ANAPC1: variants seen among roughly 807,000 people sequenced by gnomAD.
ANAPC1 encodes the protein anaphase-promoting complex subunit 1.
ANAPC1 carries 36 observed loss-of-function variants against 208.0 expected under a neutral mutation model. That is an observed-to-expected ratio of 0.17 (90% confidence interval 0.13 to 0.23). The LOEUF is 0.23. Among genes scored for constraint, ANAPC1 ranks in the 10% least tolerant of loss-of-function variants. ANAPC1 has a pLI of 1.00. For synonymous variants in ANAPC1, 378 were observed against 695.2 expected (o/e 0.54, Z 7.18); for missense variants, 942 against 2,011.6 (o/e 0.47, Z 10.17).
At chr2:111,827,534 C>A (rs1679901419) in intron 21 of ANAPC1, among the ~76,000 whole-genome samples, 1 of 152,054 alleles carries the variant, frequency 6.6e-6, no homozygotes, top group Admixed American at 6.6e-5. Flanking sequence ...AAAAATTTAT[C>A]ACTTGCGGTC....
chr2:111,883,193 C>CA (rs57137394), intron 1 of ANAPC1, among the ~76,000 whole-genome samples: 4,663 of 138,102 alleles, frequency 0.034, 282 homozygotes, highest in African/African-American at 0.12. Flanking sequence ...GAAAACCCCA[C>CA]AAAAAAAAAA....
intron 13 of ANAPC1, among the ~76,000 whole-genome samples, chr2:111,855,972 A>G (rs970577771): frequency 3.9e-5 from 6 of 152,340 alleles, no homozygotes; most frequent in African/African-American, 1.4e-4. Flanking sequence ...GCGGTGGCTC[A>G]CGCCTGTAAT....
chr2:111,789,227 A>G (rs1677744722), intron 38 of ANAPC1, among the ~76,000 whole-genome samples: 1 of 151,432 alleles, frequency 6.6e-6, no homozygotes, highest in Admixed American at 6.6e-5. Context: ...CTTTTAAGAT[A>G]AAGTTTCATA....
chr2:111,808,243 T>C (rs1361071658), intron 29 of ANAPC1, among the ~76,000 whole-genome samples: 1 of 152,072 alleles, frequency 6.6e-6, no homozygotes, highest in Non-Finnish European at 1.5e-5. Flanking sequence ...TAAAGAATAA[T>C]ACATCTTTAA....
In ANAPC1 at chr2:111,872,705, T is replaced by C. The variant is rs1369334390; in HGVS notation, c.536A>G (p.Asn179Ser). The change falls in exon 6 of 48, where the codon AAT (asparagine) becomes AGT (serine). Residue 179 changes from asparagine to serine, a missense_variant. Asn to Ser is a conservative substitution (Grantham distance 46). Transcript: ENST00000341068. The stretch of plus-strand genomic sequence containing the variant: ...CAATCCATATTTAGTGGGCCAAACA[T>C]TTGCAACCTTTCAGGTAAAAGGGTG... The part of the protein sequence containing the change: ...YIASLPFQVA[N>S]VWPTKYGLLF... The C allele has an allele frequency of 1.9e-6, 3 of 1,612,602 alleles. No homozygotes were observed. The highest frequency in any genetic ancestry group is 2.5e-6 in the Non-Finnish European group (3 of 1,178,766).
chr2:111,854,524 A>G (rs1291144742), intron 13 of ANAPC1, among the ~76,000 whole-genome samples: 1 of 152,196 alleles, frequency 6.6e-6, no homozygotes, highest in Admixed American at 6.5e-5. Flanking sequence ...AAAGTCCTAG[A>G]TGGCATCTTC....
At chr2:111,791,703 G>GT (rs1406945889) in intron 38 of ANAPC1, among the ~76,000 whole-genome samples, 1 of 152,142 alleles carries the variant, frequency 6.6e-6, no homozygotes, top group African/African-American at 2.4e-5. Context: ...CAAAATCAAC[G>GT]TAAGGTGTTA....
chr2:111,858,527 G>A (rs1573479108), intron 10 of ANAPC1, 126 bp from the exon 11 acceptor site: 13 of 535,516 alleles, frequency 2.4e-5, no homozygotes, highest in Non-Finnish European at 3.3e-5. Flanking sequence ...TTGGGAGGCC[G>A]AGGCGGGCAG....
At chr2:111,792,814 G>A (rs1297937673) in intron 37 of ANAPC1, among the ~76,000 whole-genome samples, 49 of 152,138 alleles carry the variant, frequency 3.2e-4, no homozygotes, top group African/African-American at 1.0e-3. Context: ...TTAGCCGGGC[G>A]TGGTGGCGGG....
chr2:111,871,078 C>G (rs1682722488), intron 6 of ANAPC1, among the ~76,000 whole-genome samples: 3 of 152,078 alleles, frequency 2.0e-5, no homozygotes. Context: ...ATACCAGTAC[C>G]ATGCTGTTTT....
At chr2:111,876,731 T>C (rs1178319098) in intron 3 of ANAPC1, among the ~76,000 whole-genome samples, 1 of 152,170 alleles carries the variant, frequency 6.6e-6, no homozygotes, top group Non-Finnish European at 1.5e-5. Context: ...TTCCAATAAA[T>C]AGAATACAGT....
chr2:111,862,652 T>G (rs1414573614), intron 9 of ANAPC1, 54 bp from the exon 10 acceptor site: 2 of 1,580,336 alleles, frequency 1.3e-6, no homozygotes, highest in East Asian at 4.7e-5. Flanking sequence ...CAGGCTTATA[T>G]GACACACACT....
At chr2:111,826,780 C>A (rs1408422171) in intron 21 of ANAPC1, among the ~76,000 whole-genome samples, 21 of 152,072 alleles carry the variant, frequency 1.4e-4, no homozygotes, top group African/African-American at 4.8e-4. Context: ...CCCACCTTAG[C>A]CTCCAGAGTG....
intron 11 of ANAPC1, chr2:111,857,151 C>T (rs547196469): frequency 2.5e-6 from 1 of 407,176 alleles, no homozygotes; most frequent in Admixed American, 3.8e-5. Context: ...TTACACACAT[C>T]TACATATGTG....
chr2:111,779,183 G>A (rs1260223930), intron 44 of ANAPC1: 4 of 165,964 alleles, frequency 2.4e-5, no homozygotes, highest in Non-Finnish European at 5.2e-5. Flanking sequence ...GGTGGGCATG[G>A]GCTTTATTAG....
intron 20 of ANAPC1, 45 bp downstream of exon 20, chr2:111,833,175 T>C (rs760230353): frequency 6.5e-7 from 1 of 1,538,122 alleles, no homozygotes; most frequent in Middle Eastern, 2.1e-4. Flanking sequence ...TACAAGGAAA[T>C]ATCACTACAC....
chr2:111,818,791 C>CATGTA (rs1679364758), intron 27 of ANAPC1, 49 bp downstream of exon 27: 3 of 757,386 alleles, frequency 4.0e-6, no homozygotes, highest in Non-Finnish European at 6.9e-6. Flanking sequence ...ACACTTAATG[C>CATGTA]ATGTACTTAA....
intron 9 of ANAPC1, among the ~76,000 whole-genome samples, chr2:111,863,192 T>C (rs1412348764): frequency 1.3e-5 from 2 of 151,906 alleles, no homozygotes; most frequent in Admixed American, 6.6e-5. Flanking sequence ...GAATGTGACA[T>C]GGTAAACTTA....
intron 13 of ANAPC1, among the ~76,000 whole-genome samples, chr2:111,851,608 C>G (rs1405425736): frequency 6.6e-6 from 1 of 151,556 alleles, no homozygotes; most frequent in South Asian, 2.1e-4. Context: ...AGTTCAAGAG[C>G]ATCCTGCCTA....
Sources: gnomAD v4.1 joint callset for allele counts (sites outside exome capture counted in the v4.1 genomes callset) on GRCh38, gnomAD v4.1.1 for gene constraint, MANE v1.5 for transcripts, NCBI Gene and HGNC (gene_info 2026-07-23, HGNC 2026-07-21) for gene names.